The following SLC44A5 variants were observed in gnomAD, a reference collection of about 807,000 sequenced individuals.
The protein encoded by SLC44A5 is solute carrier family 44 member 5.
Under a neutral mutation model 101.8 loss-of-function variants are expected in SLC44A5, and 57 were observed. That is an observed-to-expected ratio of 0.56 (90% confidence interval 0.45 to 0.70). The LOEUF is 0.70. Among genes scored for constraint, SLC44A5 ranks in the 30% least tolerant of loss-of-function variants. The pLI, the probability that SLC44A5 is intolerant of heterozygous loss-of-function variation, is 0.00. For missense variants in SLC44A5, 737 were observed against 853.1 expected (o/e 0.86, Z 1.70); for synonymous variants, 281 against 290.9 (o/e 0.97, Z 0.35).
chr1:75,416,581 A>G (rs1330022729), intron 2 of SLC44A5, among the ~76,000 whole-genome samples: 3 of 152,188 alleles, frequency 2.0e-5, no homozygotes, highest in Non-Finnish European at 4.4e-5. Context: ...AGACCCCAGA[A>G]TGATAGGTCC....
chr1:75,715,972 C>A, the SLC44A5 span, among the ~76,000 whole-genome samples: 1 of 150,724 alleles, frequency 6.6e-6, no homozygotes, highest in African/African-American at 2.5e-5. Flanking sequence ...AAGCAAAAAG[C>A]AAACAATTCC....
At chr1:75,542,067 A>G (rs1177695347) in intron 1 of SLC44A5, among the ~76,000 whole-genome samples, 1 of 152,152 alleles carries the variant, frequency 6.6e-6, no homozygotes, top group Non-Finnish European at 1.5e-5. Flanking sequence ...CTTTTTCCAA[A>G]TGAAGGGGAA....
chr1:75,418,119 T>C (rs1017697905), intron 2 of SLC44A5, among the ~76,000 whole-genome samples: 22 of 152,242 alleles, frequency 1.4e-4, no homozygotes, highest in African/African-American at 5.3e-4. Context: ...AATTGTATGT[T>C]TTCTTATAAT....
intron 2 of SLC44A5, among the ~76,000 whole-genome samples, chr1:75,525,531 A>C (rs1052856301): frequency 1.2e-4 from 19 of 152,176 alleles, no homozygotes; most frequent in Admixed American, 5.9e-4. Context: ...TCAAAAAGTA[A>C]ATGCTATAAA....
At chr1:75,673,825 C>T in the SLC44A5 span, among the ~76,000 whole-genome samples, 12 of 152,120 alleles carry the variant, frequency 7.9e-5, no homozygotes, top group Non-Finnish European at 1.6e-4. Flanking sequence ...GGTAGTACCC[C>T]TATGAGTCTG....
chr1:75,609,263 G>A (rs1388320942), intron 1 of SLC44A5, among the ~76,000 whole-genome samples: 1 of 151,848 alleles, frequency 6.6e-6, no homozygotes, highest in Non-Finnish European at 1.5e-5. Context: ...AATACAGCTG[G>A]AAAGGTTTTT....
At chr1:75,299,879 G>C (rs974380035) in intron 5 of SLC44A5, among the ~76,000 whole-genome samples, 4 of 151,582 alleles carry the variant, frequency 2.6e-5, no homozygotes, top group Non-Finnish European at 4.4e-5. Flanking sequence ...AGCTGGGCAT[G>C]GTAGTGCATG....
chr1:75,599,599 G>A (rs1268360200), intron 1 of SLC44A5, among the ~76,000 whole-genome samples: 1 of 152,110 alleles, frequency 6.6e-6, no homozygotes, highest in Non-Finnish European at 1.5e-5. Flanking sequence ...AGAAAGAAGT[G>A]CTTAATTTGA....
intron 1 of SLC44A5, among the ~76,000 whole-genome samples, chr1:75,550,744 G>A (rs1671893927): frequency 1.3e-5 from 2 of 152,048 alleles, no homozygotes; most frequent in Admixed American, 6.6e-5. Flanking sequence ...GAATCAGGGA[G>A]AAGGAAGCAG....
At chr1:75,647,047 A>C in the SLC44A5 span, among the ~76,000 whole-genome samples, 1 of 152,240 alleles carries the variant, frequency 6.6e-6, no homozygotes, top group African/African-American at 2.4e-5. Context: ...AGGGCATGTC[A>C]GAGGTCTTCA....
In SLC44A5 at chr1:75,249,801, G is replaced by A. The variant is rs1649410902; in HGVS notation, c.345+1409C>T. On this transcript the variant is annotated intron_variant, in intron 7 of 23. Coordinates refer to ENST00000370859, the MANE Select transcript of SLC44A5 (RefSeq NM_001130058.2). Reference sequence around the variant, plus strand: ...ATTCTGGGTTCTCCTTTGGGAAGAAGAAGTGTGTTCTGGAGGCCAGAGAGG... The same window carrying A: ...ATTCTGGGTTCTCCTTTGGGAAGAAAAAGTGTGTTCTGGAGGCCAGAGAGG... 2.0e-5 allele frequency among the ~76,000 whole-genome samples: 3 copies of A among 152,136 alleles called. No homozygotes were observed. In the South Asian group the frequency reaches 6.2e-4, roughly 32 times the overall value.
chr1:75,494,579 A>G (rs1668577499), intron 2 of SLC44A5, among the ~76,000 whole-genome samples: 1 of 152,002 alleles, frequency 6.6e-6, no homozygotes, highest in African/African-American at 2.4e-5. Context: ...CAAGCCTCCA[A>G]CTTCTCCCTA....
chr1:75,499,711 G>A (rs1668854074), intron 2 of SLC44A5, among the ~76,000 whole-genome samples: 1 of 152,128 alleles, frequency 6.6e-6, no homozygotes, highest in South Asian at 2.1e-4. Context: ...TTTCAGGGCA[G>A]GAATATTTTT....
At chr1:75,724,015 C>T in the SLC44A5 span, 1 of 152,140 alleles carries the variant, frequency 6.6e-6, no homozygotes, top group African/African-American at 2.4e-5. Flanking sequence ...CATTCACTTC[C>T]ATCATTCGCT....
chr1:75,632,592 T>A, the SLC44A5 span, among the ~76,000 whole-genome samples: 1 of 128,720 alleles, frequency 7.8e-6, no homozygotes, highest in Non-Finnish European at 1.6e-5. Flanking sequence ...CATTGCAGAA[T>A]GACTATCATT....
intron 10 of SLC44A5, 24 bp from the exon 11 acceptor site, chr1:75,237,094 T>C (rs779455928): frequency 2.1e-6 from 3 of 1,462,936 alleles, no homozygotes; most frequent in Non-Finnish European, 2.9e-6. Flanking sequence ...AGGGAAAAAA[T>C]CAATTATTTT....
At chr1:75,457,586 A>G (rs1039980449) in intron 2 of SLC44A5, among the ~76,000 whole-genome samples, 7 of 152,192 alleles carry the variant, frequency 4.6e-5, no homozygotes, top group Non-Finnish European at 8.8e-5. Context: ...GGCCAGGTGC[A>G]GTGGCTCACT....
At chr1:75,508,057 G>A (rs984707293) in intron 2 of SLC44A5, among the ~76,000 whole-genome samples, 5 of 151,776 alleles carry the variant, frequency 3.3e-5, no homozygotes, top group African/African-American at 1.2e-4. Flanking sequence ...CATCAACCAT[G>A]GAATAAACAT....
chr1:75,340,001 G>T (rs1167265828), intron 3 of SLC44A5, among the ~76,000 whole-genome samples: 1 of 152,114 alleles, frequency 6.6e-6, no homozygotes, highest in South Asian at 2.1e-4. Flanking sequence ...CTTGTGAGGT[G>T]CACATTTCAA....
Sources: allele counts gnomAD v4.1 joint callset (sites outside exome capture counted in the v4.1 genomes callset), GRCh38; gene constraint gnomAD v4.1.1; transcripts MANE v1.5; gene names NCBI Gene and HGNC (gene_info 2026-07-23, HGNC 2026-07-21).